Variants in REV3L observed in about 807,000 individuals in gnomAD.
The protein encoded by REV3L is DNA polymerase zeta catalytic subunit.
In REV3L, 69 loss-of-function variants were observed where a neutral mutation model predicts 299.4. The ratio of observed to expected loss-of-function variants is 0.23; its 90% CI spans 0.19 to 0.28. The LOEUF is 0.28. Among genes scored for constraint, REV3L ranks in the 10% least tolerant of loss-of-function variants. The pLI is 1.00. For synonymous variants in REV3L, 1,238 were observed against 1,271.4 expected, an observed-to-expected ratio of 0.97 and a Z score of 0.56; for missense variants, 3,128 against 3,693.8, an observed-to-expected ratio of 0.85 and a Z score of 3.97.
At chr6:111,430,060 G>A (rs1252509866) in intron 1 of REV3L, among the ~76,000 whole-genome samples, 3 of 152,100 alleles carry the variant, frequency 2.0e-5, no homozygotes, top group African/African-American at 4.8e-5. Flanking sequence ...GAAGAAAAGG[G>A]GAGAAAACAG....
intron 4 of REV3L, among the ~76,000 whole-genome samples, chr6:111,403,511 A>G (rs925342740): frequency 2.6e-5 from 4 of 152,162 alleles, no homozygotes; most frequent in African/African-American, 9.7e-5. Flanking sequence ...GCAATATTTC[A>G]AACCTGTGAA....
At chr6:111,366,934 A>G (rs966697359) in intron 14 of REV3L, among the ~76,000 whole-genome samples, 181 bp downstream of exon 14, 3 of 152,260 alleles carry the variant, frequency 2.0e-5, no homozygotes, top group African/African-American at 7.2e-5. Context: ...GGAAGCAAAT[A>G]TAAGTAGATT....
In REV3L at chr6:111,367,813, A is replaced by T; in HGVS notation, c.5975T>A (p.Ile1992Asn). Residue 1992 changes from isoleucine to asparagine, a missense_variant, in exon 14 of 32, where the codon ATT becomes AAT. By Grantham distance (149) the Ile-to-Asn change is moderately radical. Around this residue, in one of 9 missense-constraint regions of REV3L, gnomAD observed 2,409 missense variants for 2,611.8 expected, o/e 0.92. Coordinates refer to ENST00000368802, the MANE Select transcript of REV3L (RefSeq NM_001372078.1). ...GGCACATTTGCAAGGCATAATCACAATTTTTTTATCTTCAACCATCTTAGG... is the reference window on the plus strand; with the variant it reads ...GGCACATTTGCAAGGCATAATCACATTTTTTTTATCTTCAACCATCTTAGG... ...NSPKMVEDKKIVIMPCKCAPS... is the reference protein window; with the variant it reads ...NSPKMVEDKKNVIMPCKCAPS... The T allele has an allele frequency of 6.2e-7, 1 of 1,613,990 alleles. No homozygotes were observed. The highest frequency in any genetic ancestry group is 8.5e-7 in the Non-Finnish European group (1 of 1,179,962).
chr6:111,446,736 C>G (rs1327899350), intron 1 of REV3L, among the ~76,000 whole-genome samples: 1 of 139,232 alleles, frequency 7.2e-6, no homozygotes, highest in Non-Finnish European at 1.6e-5. Context: ...AAACAAACAA[C>G]TCCCAAATCA....
chr6:111,461,970 G>C (rs1190736089), intron 1 of REV3L, among the ~76,000 whole-genome samples: 9 of 151,992 alleles, frequency 5.9e-5, no homozygotes, highest in Non-Finnish European at 1.2e-4. Flanking sequence ...ATGTCAAAAT[G>C]AAAGACAGAG....
At chr6:111,423,124 A>T (rs1032822404) in intron 1 of REV3L, among the ~76,000 whole-genome samples, 1 of 150,792 alleles carries the variant, frequency 6.6e-6, no homozygotes, top group African/African-American at 2.5e-5. Flanking sequence ...TTTGGTGCTA[A>T]ACCATAGGCT....
Position 111,329,599 on chromosome 6 carries a change from T to A in REV3L, c.8174A>T (p.Lys2725Met), listed in dbSNP as rs891608934. The change falls in exon 25 of 32, where the codon AAG (lysine) becomes ATG (methionine). Residue 2725 changes from lysine to methionine, a missense_variant. This residue lies in a region of REV3L where 53 missense variants were observed against 57.4 expected (regional missense o/e 0.92). Transcript: ENST00000368802. ...GCCAAATGTGACATTTGCTATCAGC[T>A]TAAGTCCCAACTGACGCGCATCAAG... ...RMLDARQLGL[K>M]LIANVTFGYT... 6.2e-7 allele frequency: 1 copy of A among 1,614,190 alleles called. No homozygotes were observed. Among genetic ancestry groups the A allele is most frequent in the Non-Finnish European group, 8.5e-7 (1 of 1,180,036 alleles).
intron 1 of REV3L, among the ~76,000 whole-genome samples, chr6:111,427,894 T>C (rs1265426347): frequency 6.6e-6 from 1 of 152,010 alleles, no homozygotes; most frequent in Non-Finnish European, 1.5e-5. Flanking sequence ...CCAAAAGAGA[T>C]GCCAAGTTGG....
intron 1 of REV3L, among the ~76,000 whole-genome samples, chr6:111,459,995 C>G (rs1400865036): frequency 1.3e-5 from 2 of 152,078 alleles, no homozygotes; most frequent in Non-Finnish European, 2.9e-5. Context: ...CTATTCACAA[C>G]AGCAAAGACA....
intron 1 of REV3L, chr6:111,431,701 GA>G: frequency 1.0e-6 from 1 of 959,814 alleles, no homozygotes; most frequent in Non-Finnish European, 1.7e-6. Context: ...CCCCGTCATG[GA>G]AAACAACTCT....
chr6:111,403,916 C>G (rs1264369000), intron 4 of REV3L, among the ~76,000 whole-genome samples: 2 of 152,188 alleles, frequency 1.3e-5, no homozygotes, highest in African/African-American at 4.8e-5. Flanking sequence ...ATGGAACACA[C>G]AAACGATGAG....
intron 27 of REV3L, among the ~76,000 whole-genome samples, chr6:111,314,795 T>C (rs1378024631): frequency 6.6e-6 from 1 of 151,618 alleles, no homozygotes. Flanking sequence ...CTTACATATA[T>C]ACATTACTAA....
Position 111,333,184 on chromosome 6 carries a change from TAGA to T in REV3L, c.7861_7863del (p.Ser2621del). ...AAGCAGTAGTTATATGCAATCACAA[TAGA>T]AGGATAAAGTGATTGGAAATCCAAA... On this transcript the variant is annotated inframe_deletion, in exon 23 of 32. Transcript: ENST00000368802. The T allele has an allele frequency of 6.2e-7, 1 of 1,614,062 alleles. No homozygotes were observed. Among genetic ancestry groups the T allele is most frequent in the Non-Finnish European group, 8.5e-7 (1 of 1,179,996 alleles).
At chr6:111,310,172 G>C in intron 29 of REV3L, 73 bp from the exon 30 acceptor site, 1 of 1,427,736 alleles carries the variant, frequency 7.0e-7, no homozygotes, top group Non-Finnish European at 9.2e-7. Flanking sequence ...AATTAAGTCA[G>C]AATTAAACAA....
chr6:111,455,361 T>C (rs187926436), intron 1 of REV3L, among the ~76,000 whole-genome samples: 85 of 152,230 alleles, frequency 5.6e-4, no homozygotes, highest in Admixed American at 1.8e-3. Context: ...TAACAGCATA[T>C]GCAAAGTCAT....
chr6:111,443,802 A>AGCTGTGTC (rs1788542844), intron 1 of REV3L, among the ~76,000 whole-genome samples: 2 of 152,248 alleles, frequency 1.3e-5, no homozygotes, highest in African/African-American at 4.8e-5. Context: ...ACACAGCTTA[A>AGCTGTGTC]CATTCAGCCA....
At chr6:111,463,804 A>G (rs1326459052) in intron 1 of REV3L, among the ~76,000 whole-genome samples, 1 of 152,192 alleles carries the variant, frequency 6.6e-6, no homozygotes, top group East Asian at 1.9e-4. Context: ...TGTCATGGAC[A>G]TTAAGCAAGG....
chr6:111,406,472 C>G (rs911113500), intron 3 of REV3L, among the ~76,000 whole-genome samples: 8 of 152,152 alleles, frequency 5.3e-5, no homozygotes, highest in African/African-American at 1.9e-4. Flanking sequence ...CTATAGAACA[C>G]AGAAGACTAC....
chr6:111,343,748 T>A (rs1776757529), intron 21 of REV3L, among the ~76,000 whole-genome samples, 177 bp downstream of exon 21: 1 of 152,200 alleles, frequency 6.6e-6, no homozygotes, highest in Non-Finnish European at 1.5e-5. Flanking sequence ...CAGGCTGGTC[T>A]CGAACTCCTG....
Sources: gnomAD v4.1 joint callset for allele counts (sites outside exome capture counted in the v4.1 genomes callset) on GRCh38, gnomAD v4.1.1 for gene constraint, gnomAD v4.1.1 regional missense constraint, MANE v1.5 for transcripts, NCBI Gene and HGNC (gene_info 2026-07-23, HGNC 2026-07-21) for gene names.